The following ARID4B variants were observed in gnomAD, a reference collection of about 807,000 sequenced individuals.
The protein encoded by ARID4B is AT-rich interaction domain 4B, also known as AT-rich interactive domain-containing protein 4B.
ARID4B carries 26 observed loss-of-function variants against 147.5 expected under a neutral mutation model. The ratio of observed to expected loss-of-function variants is 0.18; its 90% CI spans 0.13 to 0.24. The LOEUF is 0.24. ARID4B is among the 10% of genes least tolerant of loss of function. The pLI is 1.00. For synonymous variants in ARID4B, 512 were observed against 507.9 expected (o/e 1.01, Z -0.11); for missense variants, 1,179 against 1,511.5 (o/e 0.78, Z 3.65).
intron 17 of ARID4B, among the ~76,000 whole-genome samples, chr1:235,204,220 G>A (rs1339340872): frequency 6.6e-6 from 1 of 152,142 alleles, no homozygotes; most frequent in Non-Finnish European, 1.5e-5. Flanking sequence ...TACTCGGGAG[G>A]CTGAGGCAGG....
At chr1:235,308,374 T>C (rs1187647592) in intron 2 of ARID4B, among the ~76,000 whole-genome samples, 2 of 151,016 alleles carry the variant, frequency 1.3e-5, no homozygotes, top group Non-Finnish European at 3.0e-5. Context: ...CCCAAAGTGC[T>C]GGGATTACAG....
intron 8 of ARID4B, among the ~76,000 whole-genome samples, chr1:235,238,006 C>T (rs1015412664): frequency 6.6e-6 from 1 of 151,736 alleles, no homozygotes; most frequent in East Asian, 1.9e-4. Flanking sequence ...CAAAATTAGC[C>T]GGGCATGGTG....
chr1:235,222,779 T>C (rs1017777117), intron 13 of ARID4B, among the ~76,000 whole-genome samples: 1 of 149,566 alleles, frequency 6.7e-6, no homozygotes, highest in Admixed American at 6.8e-5. Flanking sequence ...GTCTCCTGGG[T>C]TCAAGCGATT....
At chr1:235,211,516 G>A (rs1029341454) in intron 17 of ARID4B, among the ~76,000 whole-genome samples, 1 of 152,094 alleles carries the variant, frequency 6.6e-6, no homozygotes, top group Admixed American at 6.6e-5. Context: ...AAAAAGAGAG[G>A]CAAAAGGTGT....
chr1:235,191,229 C>T (rs903993785), intron 19 of ARID4B, among the ~76,000 whole-genome samples: 22 of 149,266 alleles, frequency 1.5e-4, no homozygotes, highest in Non-Finnish European at 2.4e-4. Context: ...ACATCCACTG[C>T]GAATGTGTCA....
intron 2 of ARID4B, among the ~76,000 whole-genome samples, chr1:235,320,264 C>G (rs1355495295): frequency 6.6e-6 from 1 of 152,166 alleles, no homozygotes; most frequent in Non-Finnish European, 1.5e-5. Flanking sequence ...GAGATCACAT[C>G]ACTGCACTCC....
chr1:235,182,865 T>C, intron 19 of ARID4B, 72 bp from the exon 20 acceptor site: 1 of 1,449,794 alleles, frequency 6.9e-7, no homozygotes, highest in Non-Finnish European at 9.2e-7. Flanking sequence ...TGCCAGGGAC[T>C]GTATATATTA....
chr1:235,273,401 G>A (rs1426923347), intron 2 of ARID4B, among the ~76,000 whole-genome samples: 1 of 151,932 alleles, frequency 6.6e-6, no homozygotes, highest in Non-Finnish European at 1.5e-5. Flanking sequence ...CAGAGATGAT[G>A]GTTTATTTTT....
rs557642037 is a variant in ARID4B at position 235,309,810 on chromosome 1, T to C, written c.6+17104A>G. ...AGAAAGAAGTAGACATGGGAGACTT[T>C]TCCTTTTGTTCTGTACTAAGAAAAA... On this transcript the variant is annotated intron_variant, in intron 2 of 23. Coordinates refer to ENST00000264183, the MANE Select transcript of ARID4B (RefSeq NM_016374.6). Among the ~76,000 whole-genome samples, 5 of 152,338 alleles carry C rather than the reference T, an allele frequency of 3.3e-5. No individual in the cohort carries two copies. The East Asian group carries it at 9.6e-4, about 29-fold the overall frequency.
chr1:235,274,993 T>G (rs1457291966), intron 2 of ARID4B, among the ~76,000 whole-genome samples: 4 of 148,424 alleles, frequency 2.7e-5, no homozygotes, highest in Non-Finnish European at 4.5e-5. Context: ...AGGCCTAATT[T>G]TGTGTGTGTG....
chr1:235,257,163 T>C lies in ARID4B; in HGVS notation c.180A>G (p.Leu60=), dbSNP rs147779691. The change falls in exon 4 of 24, where the codon CTA becomes CTG. Residue 60 remains leucine, a synonymous_variant. Coordinates refer to ENST00000264183, the MANE Select transcript of ARID4B (RefSeq NM_016374.6). ...EVQDDHIKGP[L]KVGAIVEVKN... is the part of the protein sequence containing the mutation. ...TAACAATGAATACATGAATTACCTT[T>C]AGTGGGCCCTTTATGTGGTCATCCT... 1,468 of 1,604,222 alleles carry C rather than the reference T, an allele frequency of 9.2e-4. 1 individual carries two copies. The highest frequency in any genetic ancestry group is 1.1e-3 in the Non-Finnish European group (1,236 of 1,171,154).
In ARID4B at chr1:235,282,116, A is replaced by T. The variant is rs184119701; in HGVS notation, c.7-21364T>A. On this transcript the variant is annotated intron_variant, in intron 2 of 23. Transcript: ENST00000264183. ...GAAGGAATTGAAAATCATCAAAAAC[A>T]CAATCACTCCTAAAGCATATAATCT... Among the ~76,000 whole-genome samples, 3 of 152,348 alleles carry T rather than the reference A, an allele frequency of 2.0e-5. No homozygotes were observed. The East Asian group carries it at 5.8e-4, about 29-fold the overall frequency.
At chr1:235,220,654 C>CGTT (rs1667400439) in intron 14 of ARID4B, 109 bp from the exon 15 acceptor site, 1 of 890,788 alleles carries the variant, frequency 1.1e-6, no homozygotes, top group Non-Finnish European at 1.6e-6. Flanking sequence ...AGATATTGAG[C>CGTT]CATATTAACA....
In ARID4B at chr1:235,219,857, T is replaced by G. The variant is rs1182624099; in HGVS notation, c.1519A>C (p.Thr507Pro). ...NENLDDKDDD[T>P]TRVDESLNIK... ...TTGAGGGATTCATCTACCCTAGTTGTGTCATCATCTTTGTCATCCAGATTT... is the reference window on the plus strand; with the variant it reads ...TTGAGGGATTCATCTACCCTAGTTGGGTCATCATCTTTGTCATCCAGATTT... The change falls in exon 16 of 24, where the codon ACA (threonine) becomes CCA (proline). Residue 507 changes from threonine (T) to proline (P), a missense_variant. By Grantham distance (38) the Thr-to-Pro change is conservative. Coordinates refer to ENST00000264183, the MANE Select transcript of ARID4B (RefSeq NM_016374.6). The G allele has an allele frequency of 6.2e-7, 1 of 1,609,482 alleles. No individual in the cohort carries two copies. Among genetic ancestry groups the G allele is most frequent in the Non-Finnish European group, 8.5e-7 (1 of 1,178,696 alleles).
At chr1:235,206,568 G>C (rs1432732708) in intron 17 of ARID4B, among the ~76,000 whole-genome samples, 1 of 152,074 alleles carries the variant, frequency 6.6e-6, no homozygotes, top group African/African-American at 2.4e-5. Flanking sequence ...ATTGAGGAGT[G>C]GTTTCTTAAT....
intron 2 of ARID4B, among the ~76,000 whole-genome samples, chr1:235,297,941 G>C (rs977845126): frequency 9.9e-5 from 15 of 152,130 alleles, no homozygotes; most frequent in African/African-American, 3.6e-4. Flanking sequence ...TAATGTAAAC[G>C]AACAAATTGC....
intron 17 of ARID4B, among the ~76,000 whole-genome samples, chr1:235,205,894 T>TAA (rs918525169): frequency 5.9e-5 from 9 of 152,142 alleles, no homozygotes; most frequent in African/African-American, 2.2e-4. Flanking sequence ...CCTGGAACCC[T>TAA]AACACATTGC....
chr1:235,245,019 TG>T (rs1470673897), intron 7 of ARID4B, among the ~76,000 whole-genome samples: 4 of 152,144 alleles, frequency 2.6e-5, no homozygotes, highest in Admixed American at 1.3e-4. Context: ...TGACCAACCG[TG>T]GTAGAGAAGG....
chr1:235,257,357 C>T, intron 3 of ARID4B, 132 bp from the exon 4 acceptor site: 1 of 583,672 alleles, frequency 1.7e-6, no homozygotes, highest in Non-Finnish European at 3.0e-6. Flanking sequence ...ATCCCAATCC[C>T]TAAGTAGATT....
Sources: allele counts gnomAD v4.1 joint callset (sites outside exome capture counted in the v4.1 genomes callset), GRCh38; gene constraint gnomAD v4.1.1; transcripts MANE v1.5; gene names NCBI Gene and HGNC (gene_info 2026-07-23, HGNC 2026-07-21).